ZNF385D: variants seen among roughly 807,000 people sequenced by gnomAD.
The protein encoded by ZNF385D is zinc finger protein 385D, also known as zinc finger protein 659.
Under a neutral mutation model 35.8 loss-of-function variants are expected in ZNF385D, and 15 were observed. That is an observed-to-expected ratio of 0.42 (90% CI 0.28 to 0.64). ZNF385D has a LOEUF of 0.64. Ranked by LOEUF, ZNF385D falls within the 30% of genes least tolerant of loss-of-function variation. The pLI is 0.23. For synonymous variants in ZNF385D, 212 were observed against 186.8 expected, an observed-to-expected ratio of 1.13 and a Z score of -1.10; for missense variants, 474 against 494.6, an observed-to-expected ratio of 0.96 and a Z score of 0.39.
intron 4 of ZNF385D, among the ~76,000 whole-genome samples, chr3:21,475,437 A>G (rs1419736984): frequency 6.6e-6 from 1 of 152,158 alleles, no homozygotes; most frequent in East Asian, 1.9e-4. Flanking sequence ...CTTTTATTTG[A>G]TTTTTGTTTT....
chr3:21,998,945 A>G (rs1297394413), intron 3 of ZNF385D, among the ~76,000 whole-genome samples: 1 of 152,048 alleles, frequency 6.6e-6, no homozygotes, highest in African/African-American at 2.4e-5. Flanking sequence ...TGTGGTGCAC[A>G]CCCCTTAAAA....
chr3:21,728,477 T>C (rs970569719), intron 1 of ZNF385D, among the ~76,000 whole-genome samples: 4 of 152,094 alleles, frequency 2.6e-5, no homozygotes, highest in African/African-American at 9.7e-5. Flanking sequence ...ACAAAAGGCA[T>C]TCAATTAAAA....
intron 2 of ZNF385D, among the ~76,000 whole-genome samples, chr3:22,210,242 C>A (rs1332681450): frequency 6.6e-6 from 1 of 151,686 alleles, no homozygotes; most frequent in African/African-American, 2.4e-5. Flanking sequence ...AAACACATAT[C>A]ATTTTTACAT....
At chr3:21,603,062 C>T (rs1219550544) in intron 2 of ZNF385D, among the ~76,000 whole-genome samples, 1 of 152,140 alleles carries the variant, frequency 6.6e-6, no homozygotes, top group African/African-American at 2.4e-5. Context: ...TACTATCATT[C>T]AGAGTCCAGC....
At chr3:22,093,020 C>G (rs1051378945) in intron 3 of ZNF385D, among the ~76,000 whole-genome samples, 3 of 152,094 alleles carry the variant, frequency 2.0e-5, no homozygotes, top group Non-Finnish European at 4.4e-5. Flanking sequence ...CATCCAGGAG[C>G]AGGAAGGTCA....
intron 3 of ZNF385D, among the ~76,000 whole-genome samples, chr3:21,880,296 T>C (rs904391810): frequency 6.6e-6 from 1 of 152,028 alleles, no homozygotes; most frequent in African/African-American, 2.4e-5. Flanking sequence ...TGAAGGTTTG[T>C]GGCAATGCTG....
chr3:22,241,395 CTA>C lies in ZNF385D; in HGVS notation c.107-72362_107-72361del, dbSNP rs1406783521. ...ATATTGGTTTTGATCTTTGCCTATT[CTA>C]TGTTCTCAGTCTCTCTGTTCACCTT... On this transcript the variant is annotated intron_variant, in intron 2 of 5. Transcript: ENST00000494108. Among the ~76,000 whole-genome samples the C allele has an allele frequency of 5.3e-5, 8 of 151,180 alleles. 1 individual carries two copies. Among genetic ancestry groups the C allele is most frequent in the Non-Finnish European group, 8.8e-5 (6 of 67,974 alleles).
intron 3 of ZNF385D, among the ~76,000 whole-genome samples, chr3:21,524,173 C>T (rs1484833428): frequency 6.6e-6 from 1 of 152,076 alleles, no homozygotes; most frequent in East Asian, 1.9e-4. Context: ...GTTTAATGAT[C>T]CTTAAAAACA....
At chr3:22,265,235 C>A (rs935684371) in intron 2 of ZNF385D, among the ~76,000 whole-genome samples, 1 of 151,890 alleles carries the variant, frequency 6.6e-6, no homozygotes. Context: ...GGGCGACCTA[C>A]TCAGATAATA....
chr3:22,321,839 T>C (rs946038185), intron 2 of ZNF385D, among the ~76,000 whole-genome samples: 1 of 152,168 alleles, frequency 6.6e-6, no homozygotes, highest in African/African-American at 2.4e-5. Context: ...TATTGTGCTT[T>C]TCTGTTCTTT....
At chr3:22,044,906 C>T (rs1576218628) in intron 3 of ZNF385D, among the ~76,000 whole-genome samples, 1 of 152,072 alleles carries the variant, frequency 6.6e-6, no homozygotes, top group East Asian at 1.9e-4. Context: ...CAGTGATTTG[C>T]TGTAATTGGA....
chr3:21,474,107 C>T (rs1289186622), intron 4 of ZNF385D, among the ~76,000 whole-genome samples: 1 of 50,908 alleles, frequency 2.0e-5, no homozygotes, highest in Non-Finnish European at 3.5e-5. Context: ...TTCGAGAACA[C>T]GTGGAACAAA....
intron 3 of ZNF385D, among the ~76,000 whole-genome samples, chr3:21,791,229 C>G (rs1328238682): frequency 1.3e-5 from 2 of 152,128 alleles, no homozygotes; most frequent in Non-Finnish European, 2.9e-5. Flanking sequence ...CAGTCTGCTG[C>G]AACGTGACTA....
chr3:21,511,838 G>C (rs768714938), intron 3 of ZNF385D: 69 of 451,462 alleles, frequency 1.5e-4, no homozygotes, highest in Non-Finnish European at 2.5e-4. Flanking sequence ...TTTTTTTTGT[G>C]GGGGAGCGGT....
chr3:22,239,297 A>G (rs545042316), intron 2 of ZNF385D, among the ~76,000 whole-genome samples: 4 of 151,182 alleles, frequency 2.6e-5, no homozygotes, highest in Non-Finnish European at 5.9e-5. Context: ...CTTTCACGCT[A>G]AAATGGTAAC....
intron 3 of ZNF385D, among the ~76,000 whole-genome samples, chr3:21,922,626 T>G (rs557152536): frequency 6.6e-6 from 1 of 152,064 alleles, no homozygotes; most frequent in South Asian, 2.1e-4. Context: ...TTACCACACA[T>G]GAAAGTTATC....
intron 3 of ZNF385D, among the ~76,000 whole-genome samples, chr3:21,869,770 A>C (rs993824273): frequency 1.3e-5 from 2 of 152,160 alleles, no homozygotes; most frequent in Non-Finnish European, 2.9e-5. Flanking sequence ...ATCTTATACT[A>C]TAAGACAGAA....
intron 3 of ZNF385D, among the ~76,000 whole-genome samples, chr3:21,857,597 T>A (rs977401940): frequency 6.6e-6 from 1 of 151,752 alleles, no homozygotes. Flanking sequence ...TGGAGCTCAG[T>A]GAGAGCTGAA....
At chr3:21,536,453 T>G (rs913971744) in intron 3 of ZNF385D, among the ~76,000 whole-genome samples, 2 of 152,042 alleles carry the variant, frequency 1.3e-5, no homozygotes, top group African/African-American at 4.8e-5. Context: ...ATGGTTTGAG[T>G]TGGAAAGAGG....
Sources: gnomAD v4.1 joint callset for allele counts (sites outside exome capture counted in the v4.1 genomes callset) on GRCh38, gnomAD v4.1.1 for gene constraint, MANE v1.5 for transcripts, NCBI Gene and HGNC (gene_info 2026-07-23, HGNC 2026-07-21) for gene names.